The following DRC11 variants were observed in gnomAD, a reference collection of about 807,000 sequenced individuals.
DRC11 encodes the protein dynein regulatory complex subunit 11, also known as IQ and AAA domain-containing protein 1.
At chr2:236,347,892 A>G in the DRC11 span, among the ~76,000 whole-genome samples, 3 of 152,004 alleles carry the variant, frequency 2.0e-5, no homozygotes, top group African/African-American at 7.2e-5. Context: ...TCTCAAATCA[A>G]TGAGTAGGTT....
At chr2:236,415,108 T>C in the DRC11 span, among the ~76,000 whole-genome samples, 1 of 152,176 alleles carries the variant, frequency 6.6e-6, no homozygotes, top group Non-Finnish European at 1.5e-5. The surrounding 1 kb of genome is among the most constrained non-coding windows in gnomAD (Gnocchi z 5.7). Context: ...ATAACCTATT[T>C]TCCATTTAAA....
At chr2:236,459,810 T>C in the DRC11 span, among the ~76,000 whole-genome samples, 2 of 151,782 alleles carry the variant, frequency 1.3e-5, no homozygotes, top group Non-Finnish European at 2.9e-5. Context: ...TTAAGCTCTA[T>C]CTTGCGAATG....
chr2:236,480,813 A>G, the DRC11 span, among the ~76,000 whole-genome samples: 1 of 152,106 alleles, frequency 6.6e-6, no homozygotes, highest in Admixed American at 6.6e-5. Context: ...GTCATTGAAG[A>G]ATTAGTTATT....
chr2:236,464,585 A>G, the DRC11 span, among the ~76,000 whole-genome samples: 4 of 152,352 alleles, frequency 2.6e-5, no homozygotes, highest in African/African-American at 7.2e-5. Context: ...AGAACATTAA[A>G]GAACACCCTT....
chr2:236,392,601 C>T, the DRC11 span, among the ~76,000 whole-genome samples: 1 of 151,934 alleles, frequency 6.6e-6, no homozygotes, highest in Non-Finnish European at 1.5e-5. The surrounding 1 kb of genome is among the most constrained non-coding windows in gnomAD (Gnocchi z 5.1). Context: ...TTTTAGTTTA[C>T]TCAATATTTT....
At chr2:236,447,817 C>T in the DRC11 span, among the ~76,000 whole-genome samples, 23 of 151,966 alleles carry the variant, frequency 1.5e-4, no homozygotes, top group East Asian at 4.1e-3. The surrounding 1 kb of genome is among the most constrained non-coding windows in gnomAD (Gnocchi z 4.6). Context: ...GGTTTGGATG[C>T]CCAATCGAGG....
the DRC11 span, among the ~76,000 whole-genome samples, chr2:236,347,266 CT>C: frequency 1.3e-5 from 2 of 152,114 alleles, no homozygotes; most frequent in African/African-American, 2.4e-5. Flanking sequence ...CATTTTTACA[CT>C]GCTGGTGGGA....
chr2:236,469,852 G>A, the DRC11 span, among the ~76,000 whole-genome samples: 3 of 152,176 alleles, frequency 2.0e-5, no homozygotes, highest in Admixed American at 6.5e-5. The surrounding 1 kb of genome is among the most constrained non-coding windows in gnomAD (Gnocchi z 5.8). Context: ...ATTAAAGGAA[G>A]ATAGAGAACA....
At chr2:236,393,294 A>G in the DRC11 span, among the ~76,000 whole-genome samples, 102 of 152,322 alleles carry the variant, frequency 6.7e-4, no homozygotes, top group East Asian at 6.8e-3. This position sits in a 1 kb window ranked among gnomAD's most constrained non-coding sequence, Gnocchi z 4.7. Flanking sequence ...CAGGGCACAG[A>G]CAGAGGCTCC....
At chr2:236,375,080 G>A in the DRC11 span, among the ~76,000 whole-genome samples, 47 of 152,046 alleles carry the variant, frequency 3.1e-4, no homozygotes, top group East Asian at 7.2e-3. The surrounding 1 kb of genome is among the most constrained non-coding windows in gnomAD (Gnocchi z 4.2). Flanking sequence ...GTACTAAACC[G>A]TTCATGAGAA....
chr2:236,429,757 G>C, the DRC11 span, among the ~76,000 whole-genome samples: 2 of 152,150 alleles, frequency 1.3e-5, no homozygotes, highest in African/African-American at 2.4e-5. This position sits in a 1 kb window ranked among gnomAD's most constrained non-coding sequence, Gnocchi z 5.9. Context: ...GGCAGGAGCA[G>C]TCATGTGGCT....
chr2:236,487,578 A>G, the DRC11 span, among the ~76,000 whole-genome samples: 1 of 152,078 alleles, frequency 6.6e-6, no homozygotes, highest in Middle Eastern at 3.2e-3. Flanking sequence ...GATTCCTTCT[A>G]GAAGGGACAC....
At chr2:236,314,179 C>A in the DRC11 span, among the ~76,000 whole-genome samples, 9 of 152,168 alleles carry the variant, frequency 5.9e-5, no homozygotes, top group Non-Finnish European at 7.4e-5. The surrounding 1 kb of genome is among the most constrained non-coding windows in gnomAD (Gnocchi z 4.5). Context: ...TATGCAGGAT[C>A]TCTCTGATAT....
At chr2:236,366,059 C>G in the DRC11 span, among the ~76,000 whole-genome samples, 1 of 152,176 alleles carries the variant, frequency 6.6e-6, no homozygotes, top group East Asian at 1.9e-4. Context: ...ACCACGTCCA[C>G]CTGGAGGGGT....
chr2:236,424,437 A>G, the DRC11 span, among the ~76,000 whole-genome samples: 1 of 152,190 alleles, frequency 6.6e-6, no homozygotes, highest in African/African-American at 2.4e-5. Flanking sequence ...GTTATGAAAG[A>G]GTAATTATAC....
chr2:236,449,273 A>G, the DRC11 span, among the ~76,000 whole-genome samples: 1 of 152,196 alleles, frequency 6.6e-6, no homozygotes, highest in Admixed American at 6.5e-5. This position sits in a 1 kb window ranked among gnomAD's most constrained non-coding sequence, Gnocchi z 5.1. Context: ...GGGAACTCTG[A>G]GCCAACACAT....
At chr2:236,468,691 C>G in the DRC11 span, among the ~76,000 whole-genome samples, 6 of 152,144 alleles carry the variant, frequency 3.9e-5, no homozygotes, top group East Asian at 1.2e-3. Flanking sequence ...GTGTGTAAGA[C>G]AGAAGCATAA....
At chr2:236,490,204 C>T in the DRC11 span, among the ~76,000 whole-genome samples, 19 of 152,304 alleles carry the variant, frequency 1.2e-4, no homozygotes, top group African/African-American at 4.6e-4. The surrounding 1 kb of genome is among the most constrained non-coding windows in gnomAD (Gnocchi z 5.5). Context: ...TATGCATGCT[C>T]ATCACATTCA....
chr2:236,488,061 T>C, the DRC11 span: 1 of 1,606,736 alleles, frequency 6.2e-7, no homozygotes, highest in Non-Finnish European at 8.5e-7. Flanking sequence ...CATCTTGGAT[T>C]GCTTTGCTCT....
Sources: gnomAD v4.1 joint callset for allele counts (sites outside exome capture counted in the v4.1 genomes callset) on GRCh38, gnomAD v4.1.1 for gene constraint, Gnocchi (gnomAD v3.1) non-coding constraint, MANE v1.5 for transcripts, NCBI Gene and HGNC (gene_info 2026-07-23, HGNC 2026-07-21) for gene names.